The following AUH variants were observed in gnomAD, a reference collection of about 807,000 sequenced individuals.
AUH encodes AU RNA binding methylglutaconyl-CoA hydratase, also known as methylglutaconyl-CoA hydratase, mitochondrial.
Under a neutral mutation model 42.3 loss-of-function variants are expected in AUH, and 29 were observed. The ratio of observed to expected loss-of-function variants is 0.69; its 90% CI spans 0.51 to 0.93. The LOEUF (loss-of-function observed/expected upper bound fraction) is 0.93, where lower values mean the gene tolerates loss of function less well. Among genes scored for constraint, AUH ranks in the 40% least tolerant of loss-of-function variants. The pLI, the probability that AUH is intolerant of heterozygous loss-of-function variation, is 0.00. For synonymous variants in AUH, 174 were observed against 166.4 expected (o/e 1.05, Z -0.35); for missense variants, 452 against 438.1 (o/e 1.03, Z -0.28).
At chr9:91,298,906 A>G (rs976665999) in intron 4 of AUH, among the ~76,000 whole-genome samples, 1 of 152,190 alleles carries the variant, frequency 6.6e-6, no homozygotes, top group Non-Finnish European at 1.5e-5. Flanking sequence ...GTTAATATAT[A>G]ACAGAAAGTG....
chr9:91,246,114 G>A (rs1375306411), intron 6 of AUH, among the ~76,000 whole-genome samples: 1 of 152,196 alleles, frequency 6.6e-6, no homozygotes, highest in African/African-American at 2.4e-5. Context: ...CCGCCCTGCT[G>A]GGTGATTCCT....
chr9:91,248,549 G>A (rs1445218096), intron 6 of AUH, among the ~76,000 whole-genome samples: 2 of 152,314 alleles, frequency 1.3e-5, no homozygotes, highest in East Asian at 3.9e-4. Context: ...ATATGGTCTA[G>A]ATTACATATA....
At chr9:91,320,648 A>C (rs1829496182) in intron 4 of AUH, among the ~76,000 whole-genome samples, 2 of 152,164 alleles carry the variant, frequency 1.3e-5, no homozygotes, top group Admixed American at 1.3e-4. Flanking sequence ...TGGTCTATTA[A>C]ACTCCTTTAA....
At chr9:91,286,152 C>G (rs1322518282) in intron 6 of AUH, among the ~76,000 whole-genome samples, 1 of 152,102 alleles carries the variant, frequency 6.6e-6, no homozygotes, top group East Asian at 1.9e-4. Context: ...CAGATTCTGA[C>G]GGAACTTCTA....
intron 4 of AUH, among the ~76,000 whole-genome samples, chr9:91,314,670 C>T (rs905201550): frequency 2.0e-5 from 3 of 151,948 alleles, no homozygotes; most frequent in Admixed American, 6.6e-5. Flanking sequence ...AGGCTGAATT[C>T]GTAGCTATGA....
chr9:91,309,167 T>C (rs1457901755), intron 4 of AUH, among the ~76,000 whole-genome samples: 1 of 151,804 alleles, frequency 6.6e-6, no homozygotes, highest in Non-Finnish European at 1.5e-5. Context: ...ATCCCAGCAC[T>C]TTGGGAGGCA....
At chr9:91,291,378 T>G (rs1053638386) in intron 6 of AUH, among the ~76,000 whole-genome samples, 5 of 152,228 alleles carry the variant, frequency 3.3e-5, no homozygotes, top group African/African-American at 1.2e-4. Context: ...CTTCTAGGAT[T>G]AATCACATCC....
At chr9:91,330,505 A>G (rs1587872354) in intron 3 of AUH, among the ~76,000 whole-genome samples, 1 of 152,264 alleles carries the variant, frequency 6.6e-6, no homozygotes, top group Non-Finnish European at 1.5e-5. Context: ...GAAGGTGTAA[A>G]GCAATGAGAC....
Position 91,361,902 on chromosome 9 carries a change from C to G in AUH, c.-13G>C. On this transcript the variant is annotated 5_prime_UTR_variant, in exon 1 of 10. Transcript: ENST00000375731. ...CCGCGGCCGCCATGTTGTCTGTTTACGGCGTGGACCTGCGACGGCCGCTCC... is the reference window on the plus strand; with the variant it reads ...CCGCGGCCGCCATGTTGTCTGTTTAGGGCGTGGACCTGCGACGGCCGCTCC... 1 of 1,414,960 alleles carries G rather than the reference C, an allele frequency of 7.1e-7. No individual in the cohort carries two copies. The highest frequency in any genetic ancestry group is 9.2e-7 in the Non-Finnish European group (1 of 1,087,410). 87.7% of individuals were successfully genotyped at this position (1,414,960 alleles called of 1,614,324 possible).
intron 6 of AUH, among the ~76,000 whole-genome samples, chr9:91,287,125 T>C (rs1360801492): frequency 2.0e-5 from 3 of 151,988 alleles, no homozygotes; most frequent in Non-Finnish European, 4.4e-5. Flanking sequence ...ATGTTTCAGG[T>C]TAAAAGAAAA....
intron 6 of AUH, among the ~76,000 whole-genome samples, chr9:91,222,635 G>A (rs61044035): frequency 2.7e-3 from 404 of 152,252 alleles, no homozygotes; most frequent in African/African-American, 9.0e-3. Context: ...GAGAACTTAC[G>A]GGATAAGCTG....
chr9:91,355,008 G>A (rs1296658013), intron 3 of AUH, among the ~76,000 whole-genome samples: 1 of 152,128 alleles, frequency 6.6e-6, no homozygotes, highest in Non-Finnish European at 1.5e-5. Flanking sequence ...TGACAAATGT[G>A]AAAACAGAAA....
intron 1 of AUH, among the ~76,000 whole-genome samples, chr9:91,358,967 C>G (rs1311746144): frequency 5.9e-5 from 9 of 152,142 alleles, no homozygotes; most frequent in Admixed American, 5.9e-4. Flanking sequence ...ATTCACAATT[C>G]AATCACTTCT....
chr9:91,329,223 C>T (rs1830158992), intron 3 of AUH, among the ~76,000 whole-genome samples: 1 of 150,484 alleles, frequency 6.6e-6, no homozygotes, highest in Non-Finnish European at 1.5e-5. Flanking sequence ...TTTTGGTGGA[C>T]AAATGTTTTC....
rs2131911918 is a variant in AUH, at chr9:91,332,759, T to C, written c.419-7355A>G. ...TAACAAGTTCTAAGAGTCATGAATA[T>C]TATAAAAGGAGAAATGCGTGCGCAC... On this transcript the variant is annotated intron_variant, in intron 3 of 9. Transcript: ENST00000375731. Among the ~76,000 whole-genome samples the C allele has an allele frequency of 1.3e-5, 2 of 152,238 alleles. 1 individual carries two copies. The highest frequency in any genetic ancestry group is 4.1e-4 in the South Asian group (2 of 4,828).
chr9:91,326,223 T>C (rs1488000757), intron 3 of AUH, among the ~76,000 whole-genome samples: 4 of 152,152 alleles, frequency 2.6e-5, no homozygotes, highest in African/African-American at 9.7e-5. Context: ...TACAAATCAA[T>C]CATGCTGATA....
chr9:91,293,383 GA>G (rs928849336), intron 6 of AUH, among the ~76,000 whole-genome samples: 1 of 152,230 alleles, frequency 6.6e-6, no homozygotes, highest in Non-Finnish European at 1.5e-5. Flanking sequence ...AAGGTAATTA[GA>G]AGTGCTACTC....
chr9:91,356,177 T>C, intron 1 of AUH, 22 bp from the exon 2 acceptor site: 9 of 1,604,392 alleles, frequency 5.6e-6, no homozygotes, highest in Non-Finnish European at 7.7e-6. Context: ...GGAAAAAAAG[T>C]ACAAGCACTT....
At chr9:91,312,990 G>A (rs1371722623) in intron 4 of AUH, among the ~76,000 whole-genome samples, 1 of 152,140 alleles carries the variant, frequency 6.6e-6, no homozygotes, top group African/African-American at 2.4e-5. Context: ...AGAACAGTGG[G>A]TTTTAAAGTA....
Sources: gnomAD v4.1 joint callset for allele counts (sites outside exome capture counted in the v4.1 genomes callset) on GRCh38, gnomAD v4.1.1 for gene constraint, MANE v1.5 for transcripts, NCBI Gene and HGNC (gene_info 2026-07-23, HGNC 2026-07-21) for gene names.